Variants in GPBP1 observed in about 807,000 individuals in gnomAD.
The protein encoded by GPBP1 is GC-rich promoter binding protein 1, also known as vasculin.
Under a neutral mutation model 56.5 loss-of-function variants are expected in GPBP1, and 13 were observed. The observed-to-expected ratio is 0.23, with a 90% CI of 0.15 to 0.37. The LOEUF (loss-of-function observed/expected upper bound fraction) is 0.37, where lower values mean the gene tolerates loss of function less well. GPBP1 is among the 10% of genes least tolerant of loss of function. The probability of loss-of-function intolerance (pLI) is 1.00; values close to 1 mark genes in which losing one functional copy is unlikely to be tolerated. For synonymous variants in GPBP1, 204 were observed against 188.9 expected (o/e 1.08, Z -0.66); for missense variants, 477 against 572.3 (o/e 0.83, Z 1.70).
At chr5:57,243,115 T>C (rs572955068) in intron 6 of GPBP1, among the ~76,000 whole-genome samples, 3 of 152,188 alleles carry the variant, frequency 2.0e-5, no homozygotes, top group South Asian at 2.1e-4. Flanking sequence ...TCGCCCAGGC[T>C]GGAGTGCGGT....
At chr5:57,195,978 C>A (rs1754723403) in intron 2 of GPBP1, among the ~76,000 whole-genome samples, 1 of 32,718 alleles carries the variant, frequency 3.1e-5, no homozygotes. Flanking sequence ...GAAACTCCAT[C>A]TCAAAAAAAA....
intron 10 of GPBP1, among the ~76,000 whole-genome samples, chr5:57,255,833 GTTC>G (rs1234972610): frequency 2.5e-4 from 38 of 152,058 alleles, no homozygotes; most frequent in Admixed American, 2.2e-3. Context: ...CATTTTGATG[GTTC>G]TTCTTTCATT....
At chr5:57,233,694 G>A (rs1756553903) in intron 5 of GPBP1, among the ~76,000 whole-genome samples, 1 of 152,180 alleles carries the variant, frequency 6.6e-6, no homozygotes, top group Non-Finnish European at 1.5e-5. Flanking sequence ...TTGATGTTGA[G>A]TTGACTGAAG....
Position 57,264,253 on chromosome 5 carries a change from A to G in GPBP1, c.*1501A>G, listed in dbSNP as rs1422709295. 1 of 152,184 alleles carries G rather than the reference A, an allele frequency of 6.6e-6. No individual in the cohort carries two copies. The highest frequency in any genetic ancestry group is 1.5e-5 in the Non-Finnish European group (1 of 68,018). The allele number at this position is 152,184 out of a possible 1,614,324, so 9.4% of individuals were successfully genotyped here. On this transcript the variant is annotated 3_prime_UTR_variant, in exon 12 of 12. Coordinates refer to ENST00000506184, the MANE Select transcript of GPBP1 (RefSeq NM_022913.4). ...GACCTTATACTTAAAATAAGGTTTC[A>G]CTATATAATTTGTCACAATTCAATC...
intron 3 of GPBP1, among the ~76,000 whole-genome samples, chr5:57,228,524 C>T (rs546979669): frequency 3.7e-4 from 57 of 152,088 alleles, no homozygotes; most frequent in African/African-American, 1.3e-3. Context: ...CCTGTAGTCC[C>T]GGCTGCTCAG....
intron 10 of GPBP1, among the ~76,000 whole-genome samples, chr5:57,260,897 A>G (rs1195404477): frequency 1.3e-5 from 2 of 152,138 alleles, no homozygotes; most frequent in African/African-American, 2.4e-5. Flanking sequence ...AATTTAGCAG[A>G]TTTGCTTCAC....
chr5:57,241,790 TAA>T (rs1192996630), intron 6 of GPBP1, among the ~76,000 whole-genome samples: 6 of 152,342 alleles, frequency 3.9e-5, no homozygotes, highest in African/African-American at 1.2e-4. Flanking sequence ...CATCAATATA[TAA>T]GTTTTCTCTT....
At chr5:57,214,218 T>C in intron 3 of GPBP1, 25 bp downstream of exon 3, 1 of 1,531,836 alleles carries the variant, frequency 6.5e-7, no homozygotes, top group Non-Finnish European at 9.1e-7. Flanking sequence ...TCTTTCTTTC[T>C]GTCTGCTTCT....
chr5:57,188,161 T>C (rs1212623541), intron 2 of GPBP1, among the ~76,000 whole-genome samples: 1 of 151,684 alleles, frequency 6.6e-6, no homozygotes, highest in East Asian at 1.9e-4. Flanking sequence ...AGAGAATCGC[T>C]TGATCTCAGG....
At chr5:57,232,607 T>C (rs866127419) in intron 5 of GPBP1, among the ~76,000 whole-genome samples, 39 of 152,354 alleles carry the variant, frequency 2.6e-4, no homozygotes, top group Middle Eastern at 3.4e-3. Context: ...TTAAAAACTT[T>C]TTGAAAAGTT....
chr5:57,246,580 G>A lies in GPBP1; in HGVS notation c.663+96G>A, dbSNP rs185077870. ...TAAAGAATTTAAAGTGTGTATGGAG[G>A]TACTTCGTGGGGTGCTGAGTTCTAG... is the stretch of plus-strand genomic sequence containing the variant. On this transcript the variant is annotated intron_variant, in intron 7 of 11. Coordinates refer to ENST00000506184, the MANE Select transcript of GPBP1 (RefSeq NM_022913.4). 9.2e-6 allele frequency: 9 copies of A among 973,436 alleles called. No individual in the cohort carries two copies. The East Asian group carries it at 2.4e-4, about 25-fold the overall frequency. 60.3% of individuals were successfully genotyped at this position (973,436 alleles called of 1,614,324 possible). A position where few individuals can be genotyped will look rare whatever the true frequency, so the allele number is the denominator to read the frequency against.
At chr5:57,187,958 C>T (rs1056245425) in intron 2 of GPBP1, among the ~76,000 whole-genome samples, 10 of 151,606 alleles carry the variant, frequency 6.6e-5, no homozygotes, top group Admixed American at 4.0e-4. Flanking sequence ...TTAAAATTAT[C>T]GAGGCTGGGC....
chr5:57,236,057 G>A (rs767748941), intron 6 of GPBP1, 25 bp downstream of exon 6: 1 of 1,436,038 alleles, frequency 7.0e-7, no homozygotes, highest in Non-Finnish European at 9.8e-7. Flanking sequence ...ATCTATATTT[G>A]AGGGGCACAA....
intron 2 of GPBP1, among the ~76,000 whole-genome samples, chr5:57,193,178 A>AATAATTTTATGCTTAAAAGTATTT (rs1754601397): frequency 6.6e-6 from 1 of 151,890 alleles, no homozygotes; most frequent in Non-Finnish European, 1.5e-5. Context: ...TTAGCTGGGC[A>AATAATTTTATGCTTAAAAGTATTT]TGGTGGTGGG....
At chr5:57,216,695 A>AC (rs1755712528) in intron 3 of GPBP1, among the ~76,000 whole-genome samples, 1 of 152,168 alleles carries the variant, frequency 6.6e-6, no homozygotes, top group South Asian at 2.1e-4. Context: ...CAAAAACAAA[A>AC]CAAAACAAAA....
chr5:57,185,331 G>A (rs1754239621), intron 2 of GPBP1, among the ~76,000 whole-genome samples: 3 of 150,756 alleles, frequency 2.0e-5, no homozygotes, highest in African/African-American at 7.3e-5. Context: ...GGGCAATCTC[G>A]GCTCACTGCA....
rs1166846963 is a variant in GPBP1 at position 57,181,220 on chromosome 5, A to AAG, written c.-58+4820_-58+4821insAG. Among the ~76,000 whole-genome samples, 7 of 152,252 alleles carry AAG rather than the reference A, an allele frequency of 4.6e-5. No homozygotes were observed. In the East Asian group the frequency reaches 1.2e-3, roughly 25 times the overall value. ...CATGGTGACATGCGCCTGTAGTCCT[A>AAG]GCTACTTGGAAGGCTGAGGCAGGAG... On this transcript the variant is annotated intron_variant, in intron 2 of 11. Transcript: ENST00000506184.
At chr5:57,218,758 C>G (rs1755804155) in intron 3 of GPBP1, among the ~76,000 whole-genome samples, 1 of 152,168 alleles carries the variant, frequency 6.6e-6, no homozygotes, top group Admixed American at 6.5e-5. Flanking sequence ...AGCCACCACG[C>G]TCGAGCCAGA....
At chr5:57,227,479 A>T (rs1381126820) in intron 3 of GPBP1, among the ~76,000 whole-genome samples, 1 of 152,162 alleles carries the variant, frequency 6.6e-6, no homozygotes, top group Non-Finnish European at 1.5e-5. Context: ...TGGCCATGAG[A>T]CACTGCACCC....
Sources: allele counts gnomAD v4.1 joint callset (sites outside exome capture counted in the v4.1 genomes callset), GRCh38; gene constraint gnomAD v4.1.1; transcripts MANE v1.5; gene names NCBI Gene and HGNC (gene_info 2026-07-23, HGNC 2026-07-21).